The following CHD7 variants were observed in gnomAD, a reference collection of about 807,000 sequenced individuals.
The protein encoded by CHD7 is chromodomain helicase DNA binding protein 7, also known as ATP-dependent chromatin remodeler CHD7.
A neutral mutation model predicts 307.3 loss-of-function variants in CHD7; 24 were observed. The observed-to-expected ratio is 0.08, with a 90% CI of 0.06 to 0.11. The LOEUF is 0.11. Ranked by LOEUF, CHD7 falls within the 10% of genes least tolerant of loss-of-function variation. CHD7 has a pLI of 1.00. For missense variants in CHD7, 3,106 were observed against 3,727.1 expected, an observed-to-expected ratio of 0.83 and a Z score of 4.34; for synonymous variants, 1,363 against 1,349.9, an observed-to-expected ratio of 1.01 and a Z score of -0.21.
chr8:60,692,062 A>G (rs1357280437), intron 1 of CHD7, among the ~76,000 whole-genome samples: 2 of 152,216 alleles, frequency 1.3e-5, no homozygotes, highest in Non-Finnish European at 2.9e-5. Flanking sequence ...TGGTTAGACC[A>G]ATATGTTATG....
At chr8:60,740,730 C>A (rs117692290) in intron 1 of CHD7, among the ~76,000 whole-genome samples, 175 of 152,206 alleles carry the variant, frequency 1.1e-3, no homozygotes, top group African/African-American at 4.0e-3. Context: ...ATGAAATGAC[C>A]GATTTTGGTA....
chr8:60,856,330 C>T, intron 33 of CHD7, 115 bp from the exon 34 acceptor site: 2 of 1,252,146 alleles, frequency 1.6e-6, no homozygotes, highest in Non-Finnish European at 2.2e-6. Flanking sequence ...GCTCTGTGCA[C>T]CAGTCATGAA....
At chr8:60,791,802 T>A (rs1399610860) in intron 3 of CHD7, among the ~76,000 whole-genome samples, 1 of 152,190 alleles carries the variant, frequency 6.6e-6, no homozygotes, top group Non-Finnish European at 1.5e-5. Flanking sequence ...ACTGTGGGTC[T>A]GTTTGCTTGC....
In CHD7 at chr8:60,820,002, T is replaced by G. The variant is rs1198746546; in HGVS notation, c.2614-5T>G. 2 of 1,586,092 alleles carry G rather than the reference T, an allele frequency of 1.3e-6. No individual in the cohort carries two copies. Among genetic ancestry groups the G allele is most frequent in the Non-Finnish European group, 1.7e-6 (2 of 1,159,228 alleles). On this transcript the variant is annotated splice_polypyrimidine_tract_variant and splice_region_variant and intron_variant, in intron 8 of 37. Coordinates refer to ENST00000423902, the MANE Select transcript of CHD7 (RefSeq NM_017780.4). ...CTTTAACTTTTTTTTTTCCCTTTGG[T>G]GTAGATTGAGGATGAGCTTTTTAAT...
intron 4 of CHD7, 128 bp downstream of exon 4, chr8:60,795,255 G>C (rs1811966220): frequency 2.3e-6 from 2 of 886,120 alleles, no homozygotes; most frequent in Admixed American, 2.6e-5. Flanking sequence ...ATTGTAGTCT[G>C]GAACATTATC....
rs541536994 is a variant in CHD7, at chr8:60,812,897, T to A, written c.2499-3490T>A. On this transcript the variant is annotated intron_variant, in intron 7 of 37. Coordinates refer to ENST00000423902, the MANE Select transcript of CHD7 (RefSeq NM_017780.4). ...TTCCCTAGTAGCTTTTCTGTTTTAT[T>A]GTTTTCCGGGATATTCTTGCATGTT... Among the ~76,000 whole-genome samples, 37 of 152,244 alleles carry A rather than the reference T, an allele frequency of 2.4e-4. No individual in the cohort carries two copies. In the East Asian group the frequency reaches 5.8e-3, roughly 24 times the overall value.
Position 60,741,728 on chromosome 8 carries a change from C to T in CHD7, c.296C>T (p.Ala99Val), listed in dbSNP as rs772466277. 18 of 1,613,850 alleles carry T rather than the reference C, an allele frequency of 1.1e-5. No homozygotes were observed. The highest frequency in any genetic ancestry group is 1.3e-5 in the Non-Finnish European group (15 of 1,179,876). The change falls in exon 2 of 38, where the codon GCG becomes GTG. Residue 99 changes from alanine (A) to valine (V), a missense_variant. Ala to Val is a moderately conservative substitution (Grantham distance 64). This residue lies in a region of CHD7 where 998 missense variants were observed against 1,004.5 expected (regional missense o/e 0.99). Coordinates refer to ENST00000423902, the MANE Select transcript of CHD7 (RefSeq NM_017780.4). Reference protein sequence around the residue: ...MMSNTPGNGLASPHSQYHTPP... With the variant: ...MMSNTPGNGLVSPHSQYHTPP... ...AGCAACACCCCTGGGAACGGACTCG[C>T]GTCTCCGCACTCGCAGTATCACACC... is the stretch of plus-strand genomic sequence containing the variant.
chr8:60,851,356 G>A (rs761618737), intron 28 of CHD7, 37 bp downstream of exon 28: 64 of 1,472,882 alleles, frequency 4.3e-5, no homozygotes, highest in Non-Finnish European at 5.5e-5. Flanking sequence ...CCGAGCAGAC[G>A]TGCACTGAGC....
intron 34 of CHD7, among the ~76,000 whole-genome samples, chr8:60,857,849 G>C (rs1473645061): frequency 2.0e-5 from 3 of 152,208 alleles, no homozygotes; most frequent in South Asian, 2.1e-4. Flanking sequence ...AAGATGGCAG[G>C]AAAAGACATG....
intron 33 of CHD7, 61 bp from the exon 34 acceptor site, chr8:60,856,384 G>A (rs1297262749): frequency 2.1e-6 from 3 of 1,457,224 alleles, no homozygotes; most frequent in Admixed American, 5.0e-5. Flanking sequence ...CTAAAAGCCA[G>A]CCCATATAGC....
chr8:60,772,905 C>T (rs559181429), intron 2 of CHD7, among the ~76,000 whole-genome samples: 3 of 152,334 alleles, frequency 2.0e-5, no homozygotes, highest in Admixed American at 2.0e-4. Context: ...ATGACTGTGT[C>T]TCAGATTCCT....
chr8:60,830,807 C>T (rs139963825), intron 15 of CHD7, among the ~76,000 whole-genome samples: 1 of 152,302 alleles, frequency 6.6e-6, no homozygotes, highest in African/African-American at 2.4e-5. Flanking sequence ...TGCCTTTCTC[C>T]TGACCTCCCT....
intron 37 of CHD7, 61 bp downstream of exon 37, chr8:60,862,713 T>C: frequency 8.9e-7 from 1 of 1,128,180 alleles, no homozygotes; most frequent in South Asian, 1.4e-5. Context: ...TTCCTTAGTC[T>C]TTCTTATTTT....
chr8:60,808,423 A>G (rs1320481863), intron 7 of CHD7, among the ~76,000 whole-genome samples, 151 bp downstream of exon 7: 1 of 152,142 alleles, frequency 6.6e-6, no homozygotes, highest in Non-Finnish European at 1.5e-5. Context: ...CAACTTTTGT[A>G]TGTTTGATAT....
intron 19 of CHD7, among the ~76,000 whole-genome samples, chr8:60,839,994 A>G (rs1804897720): frequency 6.6e-6 from 1 of 152,206 alleles, no homozygotes; most frequent in Non-Finnish European, 1.5e-5. Context: ...CCTACTCTGG[A>G]CGGTGGGCAG....
intron 1 of CHD7, among the ~76,000 whole-genome samples, chr8:60,710,860 C>G (rs551254522): frequency 2.6e-5 from 4 of 152,286 alleles, no homozygotes; most frequent in East Asian, 3.9e-4. Flanking sequence ...GTGCAGACAC[C>G]TATCTGCACA....
chr8:60,784,995 T>C (rs983952638), intron 3 of CHD7, among the ~76,000 whole-genome samples: 29 of 152,198 alleles, frequency 1.9e-4, no homozygotes, highest in African/African-American at 6.5e-4. Context: ...GTTGCTAATA[T>C]TGAAAATAAC....
Position 60,862,872 on chromosome 8 carries a change from A to G in CHD7, c.8076+220A>G, listed in dbSNP as rs1806069215. 9 of 534,006 alleles carry G rather than the reference A, an allele frequency of 1.7e-5. No individual in the cohort carries two copies. The South Asian group carries it at 2.2e-4, about 13-fold the overall frequency. 33.1% of individuals were successfully genotyped at this position (534,006 alleles called of 1,614,324 possible). ...TCCAATTTAAAAGGTTTGTATGGAA[A>G]CATACATTCACAATCTTAGAGGTAG... On this transcript the variant is annotated intron_variant, in intron 37 of 37. Coordinates refer to ENST00000423902, the MANE Select transcript of CHD7 (RefSeq NM_017780.4).
Position 60,852,670 on chromosome 8 carries a change from A to G in CHD7, c.6067A>G (p.Arg2023Gly). The change falls in exon 30 of 38, where the codon AGG (arginine) becomes GGG (glycine). Residue 2023 changes from arginine (R) to glycine (G), a missense_variant. Physicochemically the swap from Arg to Gly is moderately radical, Grantham distance 125. Coordinates refer to ENST00000423902, the MANE Select transcript of CHD7 (RefSeq NM_017780.4). The stretch of plus-strand genomic sequence containing the variant: ...CTTCAGTTGTTTTGTGGCCATGTGT[A>G]GGCGAGTATGTCGAATGCCCGTCAA... ...KYFSCFVAMC[R>G]RVCRMPVKPD... 3.7e-6 allele frequency: 6 copies of G among 1,614,044 alleles called. No homozygotes were observed. The highest frequency in any genetic ancestry group is 5.1e-6 in the Non-Finnish European group (6 of 1,179,906).
Sources: gnomAD v4.1 joint callset for allele counts (sites outside exome capture counted in the v4.1 genomes callset) on GRCh38, gnomAD v4.1.1 for gene constraint, gnomAD v4.1.1 regional missense constraint, MANE v1.5 for transcripts, NCBI Gene and HGNC (gene_info 2026-07-23, HGNC 2026-07-21) for gene names.